The following CDH12 variants were observed in gnomAD, a reference collection of about 807,000 sequenced individuals.
The protein encoded by CDH12 is cadherin 12, also known as cadherin-12.
CDH12 carries 41 observed loss-of-function variants against 74.1 expected under a neutral mutation model. That is an observed-to-expected ratio of 0.55 (90% CI 0.43 to 0.72). The LOEUF is 0.72. CDH12 is among the 30% of genes least tolerant of loss of function. The pLI is 0.00. For synonymous variants in CDH12, 399 were observed against 355.0 expected (o/e 1.12, Z -1.39); for missense variants, 945 against 977.2 (o/e 0.97, Z 0.44).
chr5:22,331,343 T>C (rs574794087), intron 3 of CDH12, among the ~76,000 whole-genome samples: 1 of 152,178 alleles, frequency 6.6e-6, no homozygotes, highest in South Asian at 2.1e-4. Context: ...CATCACCACA[T>C]CTCCAGTGCC....
At chr5:22,244,881 A>G (rs905559743) in intron 3 of CDH12, among the ~76,000 whole-genome samples, 3 of 151,888 alleles carry the variant, frequency 2.0e-5, no homozygotes, top group African/African-American at 2.4e-5. Flanking sequence ...TGCTCAGGAA[A>G]CTCCCTCTAT....
At chr5:22,569,152 G>A (rs1739426455) in intron 1 of CDH12, among the ~76,000 whole-genome samples, 1 of 152,190 alleles carries the variant, frequency 6.6e-6, no homozygotes, top group African/African-American at 2.4e-5. Context: ...CTCTGATAGA[G>A]TTTGGATATA....
chr5:21,950,764 TTA>T (rs1491387948), intron 6 of CDH12, among the ~76,000 whole-genome samples: 2 of 87,884 alleles, frequency 2.3e-5, no homozygotes, highest in African/African-American at 1.8e-4. Flanking sequence ...TATTTTATTA[TTA>T]TTATTATTAT....
intron 11 of CDH12, among the ~76,000 whole-genome samples, chr5:21,778,652 C>T (rs980032255): frequency 3.3e-5 from 5 of 151,692 alleles, no homozygotes; most frequent in African/African-American, 1.2e-4. Context: ...ATAATTTGCA[C>T]AGTTATTACT....
chr5:22,658,471 T>G (rs1193365080), intron 1 of CDH12, among the ~76,000 whole-genome samples: 1 of 152,094 alleles, frequency 6.6e-6, no homozygotes, highest in Non-Finnish European at 1.5e-5. Flanking sequence ...TTTATTTAAA[T>G]TAAATTTAAA....
intron 6 of CDH12, among the ~76,000 whole-genome samples, chr5:21,924,737 T>C (rs528819726): frequency 1.2e-4 from 19 of 152,310 alleles, no homozygotes; most frequent in South Asian, 4.1e-4. Flanking sequence ...ATCTACTGAC[T>C]TTCTCTTTTG....
chr5:22,196,828 C>T (rs61377131), intron 4 of CDH12, among the ~76,000 whole-genome samples: 12,469 of 152,176 alleles, frequency 0.082, 785 homozygotes, highest in African/African-American at 0.18. Flanking sequence ...TGGGTATTCT[C>T]TCCCTTTAAT....
At chr5:22,696,518 G>T (rs902346181) in intron 1 of CDH12, among the ~76,000 whole-genome samples, 1 of 151,590 alleles carries the variant, frequency 6.6e-6, no homozygotes, top group Non-Finnish European at 1.5e-5. Context: ...TACCTTTTTA[G>T]TATTAATACA....
intron 1 of CDH12, among the ~76,000 whole-genome samples, chr5:22,598,627 T>C (rs1345794574): frequency 6.6e-6 from 1 of 152,230 alleles, no homozygotes; most frequent in Non-Finnish European, 1.5e-5. Flanking sequence ...TAATAAATCC[T>C]CAGAGTTTTT....
At chr5:21,954,365 G>C (rs1325740765) in intron 6 of CDH12, among the ~76,000 whole-genome samples, 2 of 151,570 alleles carry the variant, frequency 1.3e-5, no homozygotes, top group South Asian at 2.1e-4. Context: ...TACCTCTTCA[G>C]AGTAGTGTGT....
chr5:21,900,036 T>C (rs1753309306), intron 6 of CDH12, among the ~76,000 whole-genome samples: 1 of 152,178 alleles, frequency 6.6e-6, no homozygotes, highest in African/African-American at 2.4e-5. Context: ...TCTAGCTAGA[T>C]ACATAGATAG....
At chr5:21,828,946 T>C (rs1748846327) in intron 8 of CDH12, among the ~76,000 whole-genome samples, 1 of 145,578 alleles carries the variant, frequency 6.9e-6, no homozygotes, top group African/African-American at 2.6e-5. Context: ...ATGGTCTAAA[T>C]ATTTAGGTAT....
chr5:22,674,425 C>G (rs539127595), intron 1 of CDH12, among the ~76,000 whole-genome samples: 25 of 152,300 alleles, frequency 1.6e-4, no homozygotes, highest in African/African-American at 6.0e-4. Context: ...CCATGTGGAA[C>G]GGTAAGTCCA....
At chr5:22,578,449 T>A (rs977423971) in intron 1 of CDH12, among the ~76,000 whole-genome samples, 2 of 152,140 alleles carry the variant, frequency 1.3e-5, no homozygotes, top group Admixed American at 1.3e-4. Context: ...TCTGCTTTTA[T>A]GTTATAGCAA....
intron 4 of CDH12, among the ~76,000 whole-genome samples, chr5:22,152,628 A>G (rs1182558719): frequency 6.6e-6 from 1 of 152,214 alleles, no homozygotes; most frequent in Non-Finnish European, 1.5e-5. Context: ...TTTTGTGGTG[A>G]GAACAGTTAA....
chr5:22,559,381 C>A (rs1249250540), intron 1 of CDH12, among the ~76,000 whole-genome samples: 1 of 151,874 alleles, frequency 6.6e-6, no homozygotes, highest in African/African-American at 2.4e-5. Flanking sequence ...AAGTTAAAAT[C>A]AAACAACAAA....
chr5:22,663,898 CT>C (rs201933694), intron 1 of CDH12, among the ~76,000 whole-genome samples: 18 of 150,654 alleles, frequency 1.2e-4, no homozygotes, highest in East Asian at 5.8e-4. Context: ...TTTTTAACCA[CT>C]TTTTTTTTAA....
In CDH12 at chr5:22,351,138, T is replaced by A. The variant is rs538846361; in HGVS notation, c.-333+54119A>T. On this transcript the variant is annotated intron_variant, in intron 3 of 14. Transcript: ENST00000382254. The stretch of plus-strand genomic sequence containing the variant: ...CTCAGTGGCAGCAAAACCGTGCATA[T>A]TATTGAGTGCCCTATCATACAAAGT... Among the ~76,000 whole-genome samples, 6 of 152,142 alleles carry A rather than the reference T, an allele frequency of 3.9e-5. No individual in the cohort carries two copies. In the South Asian group the frequency reaches 1.2e-3, roughly 32 times the overall value.
chr5:21,895,493 C>T (rs1753081611), intron 6 of CDH12, among the ~76,000 whole-genome samples: 1 of 152,310 alleles, frequency 6.6e-6, no homozygotes, highest in Middle Eastern at 3.4e-3. Context: ...AGGAGCTGCT[C>T]TTCCACAAGC....
Sources: gnomAD v4.1 joint callset for allele counts (sites outside exome capture counted in the v4.1 genomes callset) on GRCh38, gnomAD v4.1.1 for gene constraint, MANE v1.5 for transcripts, NCBI Gene and HGNC (gene_info 2026-07-23, HGNC 2026-07-21) for gene names.